Variants in PLAC1 observed in about 807,000 individuals in gnomAD.
PLAC1 encodes placenta-specific protein 1.
For missense variants in PLAC1, 136 were observed against 163.2 expected, an observed-to-expected ratio of 0.83 and a Z score of 0.91; for synonymous variants, 68 against 62.1, an observed-to-expected ratio of 1.09 and a Z score of -0.44.
chrX:134,572,387 C>T (rs1355837565), intron 2 of PLAC1, among the ~76,000 whole-genome samples: 4 of 111,702 alleles, frequency 3.6e-5, no homozygotes, highest in Non-Finnish European at 5.6e-5. Context: ...TACATTAAAG[C>T]GAGTTAGAAA....
chrX:134,716,193 T>G (rs1444243992), intron 2 of PLAC1, among the ~76,000 whole-genome samples: 1 of 112,444 alleles, frequency 8.9e-6, no homozygotes, highest in Non-Finnish European at 1.9e-5. Context: ...TCTCCTTTGC[T>G]CTTTACAAGG....
chrX:134,756,050 A>G (rs985119950), intron 1 of PLAC1, among the ~76,000 whole-genome samples: 1 of 105,852 alleles, frequency 9.4e-6, no homozygotes, highest in Non-Finnish European at 1.9e-5. Flanking sequence ...ACGGGGTTTC[A>G]CCGTGTTAGC....
intron 1 of PLAC1, among the ~76,000 whole-genome samples, chrX:134,646,252 G>A (rs1393355452): frequency 2.7e-5 from 3 of 111,902 alleles, no homozygotes; most frequent in Non-Finnish European, 5.6e-5. Flanking sequence ...TCATTTCCCA[G>A]TGGTTGTAAG....
At chrX:134,567,811 AGAGGGAGG>A (rs759627249) in intron 2 of PLAC1, among the ~76,000 whole-genome samples, 4 of 75,142 alleles carry the variant, frequency 5.3e-5, no homozygotes, top group South Asian at 8.6e-4. Context: ...AGAGAGAGAG[AGAGGGAGG>A]GAGGGAGGGA....
intron 1 of PLAC1, among the ~76,000 whole-genome samples, chrX:134,655,334 C>T (rs1602882074): frequency 1.5e-5 from 1 of 67,999 alleles, no homozygotes; most frequent in Non-Finnish European, 2.8e-5. Context: ...AATCTATTTA[C>T]ACACACACAC....
chrX:134,656,937 T>C (rs984849228), intron 1 of PLAC1, among the ~76,000 whole-genome samples: 1 of 111,808 alleles, frequency 8.9e-6, no homozygotes, highest in Non-Finnish European at 1.9e-5. Flanking sequence ...TATCTGCTCA[T>C]TTGGATGGCC....
intron 1 of PLAC1, among the ~76,000 whole-genome samples, chrX:134,637,120 A>G (rs1270849710): frequency 8.9e-6 from 1 of 112,340 alleles, no homozygotes; most frequent in Admixed American, 9.4e-5. Flanking sequence ...CTTAGTTCTG[A>G]CCAGATTGCT....
chrX:134,749,471 G>T (rs903685970), intron 1 of PLAC1, among the ~76,000 whole-genome samples: 5 of 111,713 alleles, frequency 4.5e-5, no homozygotes, highest in Non-Finnish European at 7.5e-5. Flanking sequence ...CTCCAACCTG[G>T]GTGACAGAAG....
At chrX:134,726,222 A>G (rs1450064355) in intron 2 of PLAC1, among the ~76,000 whole-genome samples, 2 of 110,867 alleles carry the variant, frequency 1.8e-5, no homozygotes, top group African/African-American at 6.6e-5. Flanking sequence ...TGCTTGACAA[A>G]TTTATTGTGC....
chrX:134,605,265 T>C (rs1194872865), intron 1 of PLAC1, among the ~76,000 whole-genome samples: 2 of 111,445 alleles, frequency 1.8e-5, no homozygotes, highest in Non-Finnish European at 3.8e-5. Flanking sequence ...CAGCATTTGT[T>C]TCCACACCGG....
intron 2 of PLAC1, among the ~76,000 whole-genome samples, chrX:134,590,449 T>C (rs1176990121): frequency 1.8e-5 from 2 of 111,287 alleles, no homozygotes; most frequent in Admixed American, 9.5e-5. Context: ...ACGAAGTAAA[T>C]AGATAAATTC....
At chrX:134,567,761 CAA>C (rs397948329) in intron 2 of PLAC1, among the ~76,000 whole-genome samples, 4 of 29,150 alleles carry the variant, frequency 1.4e-4, no homozygotes, top group Non-Finnish European at 1.4e-4. Context: ...GACTCTGTCT[CAA>C]AAAAAAAAAA....
chrX:134,621,172 G>A (rs761411966), intron 1 of PLAC1, among the ~76,000 whole-genome samples: 40 of 110,844 alleles, frequency 3.6e-4, no homozygotes, highest in Middle Eastern at 4.6e-3. Flanking sequence ...TTGGCCAGGC[G>A]CAGTGGCTCA....
chrX:134,583,141 G>A (rs2077982546), intron 2 of PLAC1, among the ~76,000 whole-genome samples: 1 of 111,666 alleles, frequency 9.0e-6, no homozygotes, highest in Non-Finnish European at 1.9e-5. Flanking sequence ...ATAGAAATTA[G>A]ACTAAACCAC....
At chrX:134,737,777 G>T (rs1031448021) in intron 1 of PLAC1, among the ~76,000 whole-genome samples, 3 of 112,717 alleles carry the variant, frequency 2.7e-5, no homozygotes, top group African/African-American at 9.7e-5. Context: ...GAAGTCAGGT[G>T]GGGGCGCCGA....
At chrX:134,740,705 G>T (rs910624325) in intron 1 of PLAC1, among the ~76,000 whole-genome samples, 1 of 111,878 alleles carries the variant, frequency 8.9e-6, no homozygotes, top group Non-Finnish European at 1.9e-5. Flanking sequence ...GGGCCCTAAA[G>T]CCAATGACAA....
intron 1 of PLAC1, among the ~76,000 whole-genome samples, chrX:134,610,329 T>C (rs1238348715): frequency 9.0e-6 from 1 of 111,147 alleles, no homozygotes; most frequent in African/African-American, 3.3e-5. Flanking sequence ...TCACTATACC[T>C]GGTCCCCCTC....
intron 1 of PLAC1, among the ~76,000 whole-genome samples, chrX:134,647,290 G>T (rs760281631): frequency 6.3e-5 from 7 of 111,628 alleles, no homozygotes; most frequent in Non-Finnish European, 1.3e-4. Flanking sequence ...GGGCCACCAG[G>T]TTCCATGCAT....
At chrX:134,756,520 G>A (rs1236318535) in intron 1 of PLAC1, among the ~76,000 whole-genome samples, 1 of 110,969 alleles carries the variant, frequency 9.0e-6, no homozygotes, top group Non-Finnish European at 1.9e-5. Flanking sequence ...TATTTAAAAA[G>A]TCCATCTTTG....
Sources: allele counts gnomAD v4.1 joint callset (sites outside exome capture counted in the v4.1 genomes callset), GRCh38; gene constraint gnomAD v4.1.1; transcripts MANE v1.5; gene names NCBI Gene and HGNC (gene_info 2026-07-23, HGNC 2026-07-21).